The following PPARD variants were observed in gnomAD, a reference collection of about 807,000 sequenced individuals.
PPARD encodes peroxisome proliferator activated receptor delta, also known as peroxisome proliferator-activated receptor delta.
PPARD carries 6 observed loss-of-function variants against 39.5 expected under a neutral mutation model. That is an observed-to-expected ratio of 0.15 (90% CI 0.08 to 0.30). The LOEUF is 0.30. Ranked by LOEUF, PPARD falls within the 10% of genes least tolerant of loss-of-function variation. PPARD has a pLI of 1.00. For synonymous variants in PPARD, 210 were observed against 231.3 expected (o/e 0.91, Z 0.83); for missense variants, 397 against 596.8 (o/e 0.67, Z 3.49).
chr6:35,416,265 T>A (rs949414190), intron 3 of PPARD, among the ~76,000 whole-genome samples: 11 of 149,420 alleles, frequency 7.4e-5, no homozygotes, highest in Non-Finnish European at 1.3e-4. Flanking sequence ...TCCCAGCTAC[T>A]CGGGGGGCTG....
intron 2 of PPARD, among the ~76,000 whole-genome samples, chr6:35,399,710 A>G (rs1161632963): frequency 6.6e-6 from 1 of 152,216 alleles, no homozygotes; most frequent in Admixed American, 6.5e-5. Context: ...TCTGTCTCAA[A>G]AAAATCACCT....
At chr6:35,383,681 G>A (rs1763301834) in intron 2 of PPARD, among the ~76,000 whole-genome samples, 2 of 131,720 alleles carry the variant, frequency 1.5e-5, no homozygotes, top group Admixed American at 7.1e-5. Flanking sequence ...CTGCCCCGCC[G>A]CCCCGTCTGG....
chr6:35,372,064 T>C (rs1169627548), intron 2 of PPARD, among the ~76,000 whole-genome samples: 1 of 152,246 alleles, frequency 6.6e-6, no homozygotes, highest in African/African-American at 2.4e-5. Flanking sequence ...CTTTGACAGA[T>C]TGTAACCTTT....
chr6:35,407,544 A>T (rs556330569), intron 2 of PPARD, among the ~76,000 whole-genome samples: 190 of 152,112 alleles, frequency 1.2e-3, no homozygotes, highest in Non-Finnish European at 1.9e-3. Flanking sequence ...TGTTATTTGG[A>T]TAATGGCACC....
chr6:35,348,538 G>A (rs779539902), intron 2 of PPARD: 561 of 985,286 alleles, frequency 5.7e-4, no homozygotes, highest in Non-Finnish European at 6.6e-4. Context: ...TGGGGGCCGG[G>A]GAAACGTGGG....
chr6:35,344,793 T>C (rs1192884736), intron 1 of PPARD, among the ~76,000 whole-genome samples: 1 of 152,208 alleles, frequency 6.6e-6, no homozygotes, highest in Non-Finnish European at 1.5e-5. Context: ...AATCCTCTTG[T>C]ACACTGTTTT....
chr6:35,424,637 C>T lies in PPARD; in HGVS notation c.936C>T (p.Val312=), dbSNP rs751785684. The T allele has an allele frequency of 6.2e-7, 1 of 1,614,236 alleles. No homozygotes were observed. Among genetic ancestry groups the T allele is most frequent in the African/African-American group, 1.3e-5 (1 of 75,062 alleles). Residue 312 remains valine, a synonymous_variant, in exon 7 of 8, where the codon GTC becomes GTT. Coordinates refer to ENST00000360694, the MANE Select transcript of PPARD (RefSeq NM_006238.5). The surrounding 1 kb of genome is among the most constrained non-coding windows in gnomAD (Gnocchi z 7.1). ...GLLVANGSGF[V]TREFLRSLRK... ...TGGTAGCCAACGGCAGTGGCTTTGT[C>T]ACCCGTGAGTTCCTGCGCAGCCTCC...
intron 2 of PPARD, among the ~76,000 whole-genome samples, chr6:35,368,880 C>G (rs1357440509): frequency 6.6e-6 from 1 of 152,208 alleles, no homozygotes; most frequent in Non-Finnish European, 1.5e-5. Flanking sequence ...TCAGCAGACA[C>G]TCCCTAACCA....
intron 2 of PPARD, chr6:35,397,365 A>G (rs1764401927): frequency 5.0e-6 from 1 of 198,520 alleles, no homozygotes; most frequent in Non-Finnish European, 9.0e-6. Context: ...CCACAGAACC[A>G]CCAACCCCAA....
intron 2 of PPARD, among the ~76,000 whole-genome samples, chr6:35,372,103 T>G (rs1762509822): frequency 6.6e-6 from 1 of 152,232 alleles, no homozygotes; most frequent in East Asian, 1.9e-4. Flanking sequence ...TTCTGGAAAA[T>G]GGAGCTAATG....
intron 2 of PPARD, among the ~76,000 whole-genome samples, chr6:35,357,537 A>G (rs1176673670): frequency 7.0e-6 from 1 of 143,304 alleles, no homozygotes; most frequent in Non-Finnish European, 1.5e-5. Flanking sequence ...TCCACTGCCT[A>G]CTTTTTTTTT....
At chr6:35,396,956 T>C (rs1236857579) in intron 2 of PPARD, among the ~76,000 whole-genome samples, 1 of 152,054 alleles carries the variant, frequency 6.6e-6, no homozygotes, top group Non-Finnish European at 1.5e-5. Flanking sequence ...TTTTCTATAA[T>C]TAGCATAGTG....
rs549575885 is a variant in PPARD, at chr6:35,405,712, CT to C, written c.-101-5274del. Among the ~76,000 whole-genome samples, 47 of 152,254 alleles carry C rather than the reference CT, an allele frequency of 3.1e-4. 1 individual carries two copies. In the East Asian group the frequency reaches 7.1e-3, roughly 23 times the overall value. On this transcript the variant is annotated intron_variant, in intron 2 of 7. Coordinates refer to ENST00000360694, the MANE Select transcript of PPARD (RefSeq NM_006238.5). The stretch of plus-strand genomic sequence containing the variant: ...TGGTGCGATCTCGGCCCACTGCAAC[CT>C]CTGTCTCCCAGGTTCAGGCGATTCT...
intron 2 of PPARD, among the ~76,000 whole-genome samples, chr6:35,376,790 G>A (rs1762836600): frequency 6.6e-6 from 1 of 151,418 alleles, no homozygotes; most frequent in African/African-American, 2.4e-5. Flanking sequence ...GGAGGCCGAG[G>A]CAGGGGGATC....
rs200956452 is a variant in PPARD, at chr6:35,351,018, T to TGTTG, written c.-102+3871_-102+3872insGGTT. ...TCAAGATCCCTTTAGATTCTTTTTT[T>TGTTG]GTTTGTTTGTTTGTTTTTGTTTTTT... On this transcript the variant is annotated intron_variant, in intron 2 of 7. Transcript: ENST00000360694. Among the ~76,000 whole-genome samples, 42 of 152,250 alleles carry TGTTG rather than the reference T, an allele frequency of 2.8e-4. No homozygotes were observed. The East Asian group carries it at 8.1e-3, about 29-fold the overall frequency.
chr6:35,415,784 G>GTGTGTGTGTGTGTGTGTGTGTGTGTGTA (rs1298242368), intron 3 of PPARD, among the ~76,000 whole-genome samples: 2 of 151,844 alleles, frequency 1.3e-5, no homozygotes, highest in African/African-American at 4.9e-5. Flanking sequence ...GAACCTGTGT[G>GTGTGTGTGTGTGTGTGTGTGTGTGTGTA]TGTGTGTGTG....
At chr6:35,402,116 C>G (rs1440724791) in intron 2 of PPARD, among the ~76,000 whole-genome samples, 1 of 152,186 alleles carries the variant, frequency 6.6e-6, no homozygotes, top group East Asian at 1.9e-4. Flanking sequence ...TTCCCCCGAC[C>G]AACCCCAGAT....
intron 2 of PPARD, among the ~76,000 whole-genome samples, chr6:35,381,662 T>G (rs1763162993): frequency 6.6e-6 from 1 of 152,208 alleles, no homozygotes; most frequent in Non-Finnish European, 1.5e-5. Context: ...TCCCACCAAA[T>G]AGCTTCAGCT....
At chr6:35,417,543 C>A (rs924543451) in intron 3 of PPARD, among the ~76,000 whole-genome samples, 1 of 151,900 alleles carries the variant, frequency 6.6e-6, no homozygotes, top group Non-Finnish European at 1.5e-5. Context: ...CAAAGTACTG[C>A]GATTACTGGC....
Sources: allele counts gnomAD v4.1 joint callset (sites outside exome capture counted in the v4.1 genomes callset), GRCh38; gene constraint gnomAD v4.1.1; non-coding constraint Gnocchi (gnomAD v3.1); transcripts MANE v1.5; gene names NCBI Gene and HGNC (gene_info 2026-07-23, HGNC 2026-07-21).